The following SPAG16 variants were observed in gnomAD, a reference collection of about 807,000 sequenced individuals.
SPAG16 encodes the protein sperm associated antigen 16.
In SPAG16, 86 loss-of-function variants were observed where a neutral mutation model predicts 80.4. The ratio of observed to expected loss-of-function variants is 1.07; its 90% CI spans 0.90 to 1.28. The LOEUF (loss-of-function observed/expected upper bound fraction) is 1.28. Ranked by LOEUF, SPAG16 falls within the 50% of genes most tolerant of loss-of-function variation. SPAG16 has a pLI of 0.00. For missense variants in SPAG16, 870 were observed against 765.3 expected (o/e 1.14, Z -1.61); for synonymous variants, 294 against 265.9 (o/e 1.11, Z -1.03).
At chr2:213,443,002 T>G (rs1455174700) in intron 9 of SPAG16, among the ~76,000 whole-genome samples, 1 of 152,172 alleles carries the variant, frequency 6.6e-6, no homozygotes, top group African/African-American at 2.4e-5. Flanking sequence ...AGGAGACATA[T>G]CTGATAAAGG....
chr2:213,544,384 G>A (rs73988540), intron 10 of SPAG16, among the ~76,000 whole-genome samples: 1,790 of 151,832 alleles, frequency 0.012, 38 homozygotes, highest in African/African-American at 0.04. Context: ...GCAGTTTTAG[G>A]TTCATGGCAA....
intron 15 of SPAG16, among the ~76,000 whole-genome samples, chr2:214,158,030 C>T (rs929464950): frequency 2.0e-5 from 3 of 151,812 alleles, no homozygotes; most frequent in East Asian, 1.9e-4. Context: ...CAGGAACAAA[C>T]GAGGGTCTAA....
intron 14 of SPAG16, among the ~76,000 whole-genome samples, chr2:214,134,641 T>G (rs115102566): frequency 3.9e-5 from 6 of 152,168 alleles, no homozygotes; most frequent in Non-Finnish European, 8.8e-5. Flanking sequence ...CTCTTACTTA[T>G]AACAAACTTG....
chr2:214,247,340 G>A (rs534138148), intron 15 of SPAG16, among the ~76,000 whole-genome samples: 203 of 152,004 alleles, frequency 1.3e-3, no homozygotes, highest in African/African-American at 4.7e-3. Context: ...AGTCTAATAG[G>A]TTTTGTTTTA....
chr2:213,351,326 A>G (rs187903617), intron 7 of SPAG16, among the ~76,000 whole-genome samples: 130 of 152,292 alleles, frequency 8.5e-4, no homozygotes, highest in African/African-American at 3.0e-3. Flanking sequence ...GATTTCTCAT[A>G]TATAAAATGT....
At chr2:214,306,642 T>G (rs1694934115) in intron 15 of SPAG16, among the ~76,000 whole-genome samples, 1 of 152,218 alleles carries the variant, frequency 6.6e-6, no homozygotes, top group Non-Finnish European at 1.5e-5. Flanking sequence ...AATCAAGTTT[T>G]TGTCTTTAGT....
chr2:213,949,179 T>TTTTTTTTTTTTTTTG lies in SPAG16; in HGVS notation c.1400+19035_1400+19049dup, dbSNP rs1575623841. Among the ~76,000 whole-genome samples the TTTTTTTTTTTTTTTG allele has an allele frequency of 6.1e-3, 220 of 35,802 alleles. 1 individual carries two copies. Among genetic ancestry groups the TTTTTTTTTTTTTTTG allele is most frequent in the Middle Eastern group, 0.023 (1 of 44 alleles). The allele number at this position is 35,802 out of a possible 152,430, so 23.5% of individuals were successfully genotyped here. A position where few individuals can be genotyped will look rare whatever the true frequency, so the allele number is the denominator to read the frequency against. On this transcript the variant is annotated intron_variant, in intron 12 of 15. Transcript: ENST00000331683. ...TACTTAATTACAACAGTTTTTTTTTTTTTTTTTTTTTTTTGAGGTAGAGTC... is the reference window on the plus strand; with the variant it reads ...TACTTAATTACAACAGTTTTTTTTTTTTTTTTTTTTTTTTGTTTTTTTTTTTTTTGAGGTAGAGTC...
intron 9 of SPAG16, among the ~76,000 whole-genome samples, chr2:213,397,265 TGA>T (rs1244263306): frequency 6.6e-6 from 1 of 152,216 alleles, no homozygotes; most frequent in Non-Finnish European, 1.5e-5. Flanking sequence ...TAAGCCAGTA[TGA>T]GAGAGCAACA....
At chr2:213,987,098 G>C (rs557033629) in intron 12 of SPAG16, among the ~76,000 whole-genome samples, 1 of 152,042 alleles carries the variant, frequency 6.6e-6, no homozygotes, top group Non-Finnish European at 1.5e-5. Flanking sequence ...TCCTCAAGGT[G>C]GGGGAAGTCT....
chr2:214,145,252 G>A (rs898046076), intron 14 of SPAG16, among the ~76,000 whole-genome samples: 1 of 152,000 alleles, frequency 6.6e-6, no homozygotes, highest in East Asian at 1.9e-4. Flanking sequence ...CTCTGCATCT[G>A]TTGATAACAA....
At chr2:213,855,549 AT>A (rs1410934135) in intron 10 of SPAG16, among the ~76,000 whole-genome samples, 2 of 152,132 alleles carry the variant, frequency 1.3e-5, no homozygotes, top group African/African-American at 4.8e-5. Context: ...ACTGAAGTGT[AT>A]TGGTTAATAT....
At chr2:213,416,494 G>A (rs1338350505) in intron 9 of SPAG16, among the ~76,000 whole-genome samples, 1 of 152,002 alleles carries the variant, frequency 6.6e-6, no homozygotes, top group Non-Finnish European at 1.5e-5. Flanking sequence ...TTGGTGGTGT[G>A]AATACAGCAT....
At chr2:214,317,306 A>G (rs1207799754) in intron 15 of SPAG16, among the ~76,000 whole-genome samples, 1 of 151,232 alleles carries the variant, frequency 6.6e-6, no homozygotes, top group Non-Finnish European at 1.5e-5. Flanking sequence ...TTTTACTGCC[A>G]CTAAGTCCAA....
chr2:213,966,187 C>A (rs1016734735), intron 12 of SPAG16, among the ~76,000 whole-genome samples: 18 of 152,148 alleles, frequency 1.2e-4, no homozygotes, highest in African/African-American at 4.3e-4. Flanking sequence ...CTTGGTTGTA[C>A]TTGGACAGAG....
chr2:213,566,074 A>G (rs1014288151), intron 10 of SPAG16, among the ~76,000 whole-genome samples: 19 of 152,288 alleles, frequency 1.2e-4, no homozygotes, highest in African/African-American at 4.6e-4. Context: ...TCAAAAAGCT[A>G]GTTTTTCCAG....
chr2:213,580,584 C>A (rs954407974), intron 10 of SPAG16, among the ~76,000 whole-genome samples: 1 of 152,100 alleles, frequency 6.6e-6, no homozygotes, highest in Non-Finnish European at 1.5e-5. Context: ...ACAACCCCAA[C>A]AACAATGGAT....
intron 15 of SPAG16, among the ~76,000 whole-genome samples, chr2:214,160,235 G>A (rs1289004582): frequency 1.3e-5 from 2 of 151,882 alleles, no homozygotes; most frequent in Non-Finnish European, 2.9e-5. Context: ...TCTTCTAATG[G>A]ACTCAATTAA....
intron 1 of SPAG16, among the ~76,000 whole-genome samples, chr2:213,292,663 C>CAAAAAAAAA (rs1248465249): frequency 1.3e-5 from 1 of 76,384 alleles, no homozygotes; most frequent in African/African-American, 6.9e-5. Flanking sequence ...GACTCCGTCT[C>CAAAAAAAAA]AAAAAAAAAA....
At chr2:214,260,139 C>T (rs967148507) in intron 15 of SPAG16, among the ~76,000 whole-genome samples, 7 of 151,910 alleles carry the variant, frequency 4.6e-5, no homozygotes, top group African/African-American at 1.5e-4. Context: ...CAGATAAAAT[C>T]TCAGTCCATA....
Sources: gnomAD v4.1 joint callset for allele counts (sites outside exome capture counted in the v4.1 genomes callset) on GRCh38, gnomAD v4.1.1 for gene constraint, MANE v1.5 for transcripts, NCBI Gene and HGNC (gene_info 2026-07-23, HGNC 2026-07-21) for gene names.